Variants in TSNARE1 observed in about 807,000 individuals in gnomAD.
TSNARE1 encodes the protein t-SNARE domain-containing protein 1.
TSNARE1 carries 49 observed loss-of-function variants against 62.0 expected under a neutral mutation model. The ratio of observed to expected loss-of-function variants is 0.79; its 90% CI spans 0.63 to 1.00. TSNARE1 has a LOEUF of 1.00. Among genes scored for constraint, TSNARE1 ranks in the 50% least tolerant of loss-of-function variants. The pLI, the probability that TSNARE1 is intolerant of heterozygous loss-of-function variation, is 0.00. For synonymous variants in TSNARE1, 328 were observed against 294.4 expected (o/e 1.11, Z -1.17); for missense variants, 755 against 700.1 (o/e 1.08, Z -0.88).
chr8:142,244,382 CA>C (rs1375167346), intron 12 of TSNARE1, among the ~76,000 whole-genome samples: 37 of 151,846 alleles, frequency 2.4e-4, no homozygotes, highest in Admixed American at 7.2e-4. Flanking sequence ...TTTATAGAAA[CA>C]AACAAAATAT....
At chr8:142,270,692 C>T (rs56161327) in intron 12 of TSNARE1, 2 of 985,206 alleles carry the variant, frequency 2.0e-6, no homozygotes, top group Non-Finnish European at 2.4e-6. Flanking sequence ...GCTGAGCCAC[C>T]CTTTCCAGAG....
At chr8:142,268,626 C>T (rs534695026) in intron 12 of TSNARE1, among the ~76,000 whole-genome samples, 238 of 152,292 alleles carry the variant, frequency 1.6e-3, no homozygotes, top group African/African-American at 5.4e-3. Flanking sequence ...GGGCTGAAGC[C>T]GTGTTTTCCA....
intron 10 of TSNARE1, among the ~76,000 whole-genome samples, chr8:142,299,384 T>C (rs1164449394): frequency 6.6e-6 from 1 of 152,218 alleles, no homozygotes; most frequent in Non-Finnish European, 1.5e-5. Context: ...GAGTCAGCTC[T>C]TAGCAGACAT....
chr8:142,376,394 G>A (rs574630965), intron 1 of TSNARE1, among the ~76,000 whole-genome samples: 2 of 152,336 alleles, frequency 1.3e-5, no homozygotes, highest in Non-Finnish European at 1.5e-5. Context: ...GCGTTAGCAG[G>A]TGAGGCATTT....
intron 12 of TSNARE1, among the ~76,000 whole-genome samples, chr8:142,267,997 C>T (rs904960594): frequency 2.6e-5 from 4 of 152,192 alleles, no homozygotes; most frequent in Non-Finnish European, 5.9e-5. Flanking sequence ...TCCTTCCTGG[C>T]GAACCTCAGG....
intron 12 of TSNARE1, among the ~76,000 whole-genome samples, chr8:142,255,455 T>C (rs62513089): frequency 4.9e-4 from 20 of 40,910 alleles, no homozygotes; most frequent in Admixed American, 5.7e-4. Flanking sequence ...ACCACCACCA[T>C]CACCATCACC....
At chr8:142,329,086 T>C (rs1383853499) in intron 6 of TSNARE1, among the ~76,000 whole-genome samples, 8 of 152,326 alleles carry the variant, frequency 5.3e-5, no homozygotes, top group South Asian at 2.1e-4. Context: ...GGAGGAAATA[T>C]AGAACTGGCA....
At chr8:142,334,500 G>C (rs575002039) in intron 4 of TSNARE1, among the ~76,000 whole-genome samples, 1 of 151,890 alleles carries the variant, frequency 6.6e-6, no homozygotes, top group East Asian at 1.9e-4. Context: ...GGGGCAGCAG[G>C]GGGGACGGGA....
intron 13 of TSNARE1, among the ~76,000 whole-genome samples, chr8:142,214,589 C>T (rs991650153): frequency 3.9e-5 from 6 of 152,186 alleles, no homozygotes; most frequent in Admixed American, 1.3e-4. Context: ...ACCCCACTCT[C>T]GGTGAGGCCT....
intron 3 of TSNARE1, among the ~76,000 whole-genome samples, chr8:142,344,685 C>A (rs557058347): frequency 6.6e-6 from 1 of 152,228 alleles, no homozygotes; most frequent in Non-Finnish European, 1.5e-5. Context: ...TCAGCAAGCA[C>A]GTAGCTTCTG....
At chr8:142,235,423 TCCTGACCCCCCTGCAC>T in intron 12 of TSNARE1, among the ~76,000 whole-genome samples, 1 of 48,664 alleles carries the variant, frequency 2.1e-5, no homozygotes, top group Admixed American at 2.6e-4. Flanking sequence ...GGCCCCTTCC[TCCTGACCCCCCTGCAC>T]CCTGGCCCCC....
intron 12 of TSNARE1, among the ~76,000 whole-genome samples, chr8:142,268,007 G>A (rs1032080938): frequency 6.6e-6 from 1 of 152,194 alleles, no homozygotes; most frequent in South Asian, 2.1e-4. Context: ...CGAACCTCAG[G>A]CCACCCCTGG....
intron 9 of TSNARE1, among the ~76,000 whole-genome samples, chr8:142,307,120 G>C (rs984574060): frequency 1.3e-5 from 2 of 152,178 alleles, no homozygotes; most frequent in African/African-American, 4.8e-5. Flanking sequence ...ATCACTGGTG[G>C]GGCCACTGAT....
intron 6 of TSNARE1, among the ~76,000 whole-genome samples, chr8:142,327,208 C>G (rs562999052): frequency 6.6e-6 from 1 of 152,228 alleles, no homozygotes; most frequent in Non-Finnish European, 1.5e-5. Context: ...ATGAAGTCAC[C>G]CAAATGCCCA....
intron 11 of TSNARE1, chr8:142,276,309 G>A (rs1193220741): frequency 7.1e-6 from 7 of 985,328 alleles, no homozygotes; most frequent in South Asian, 4.7e-5. Flanking sequence ...TTAGGGTCAC[G>A]ACCCTCTGAG....
At chr8:142,365,602 G>GCACACA (rs1554674591) in intron 1 of TSNARE1, among the ~76,000 whole-genome samples, 3,198 of 144,446 alleles carry the variant, frequency 0.022, 94 homozygotes, top group African/African-American at 0.072. Context: ...ACATGCACAC[G>GCACACA]CACACACACA....
intron 7 of TSNARE1, among the ~76,000 whole-genome samples, chr8:142,316,697 C>T (rs1828572511): frequency 6.6e-6 from 1 of 151,778 alleles, no homozygotes; most frequent in Admixed American, 6.7e-5. Context: ...TCATCGACTT[C>T]TGGTCTCCAC....
chr8:142,345,642 T>G (rs2130419811), intron 3 of TSNARE1, 101 bp downstream of exon 3: 1 of 1,377,342 alleles, frequency 7.3e-7, no homozygotes, highest in East Asian at 2.7e-5. Context: ...GGTCCCAGCC[T>G]CCTCCCTGCA....
chr8:142,292,608 C>G (rs977721826), intron 10 of TSNARE1, among the ~76,000 whole-genome samples: 1 of 152,124 alleles, frequency 6.6e-6, no homozygotes. Flanking sequence ...CTTCTAAGGG[C>G]TTATTTCCCC....
Sources: gnomAD v4.1 joint callset for allele counts (sites outside exome capture counted in the v4.1 genomes callset) on GRCh38, gnomAD v4.1.1 for gene constraint, MANE v1.5 for transcripts, NCBI Gene and HGNC (gene_info 2026-07-23, HGNC 2026-07-21) for gene names.